The following TIAM2 variants were observed in gnomAD, a reference collection of about 807,000 sequenced individuals.
TIAM2 encodes the protein rho guanine nucleotide exchange factor TIAM2.
Under a neutral mutation model 152.9 loss-of-function variants are expected in TIAM2, and 80 were observed. The ratio of observed to expected loss-of-function variants is 0.52; its 90% confidence interval spans 0.44 to 0.63. The LOEUF is 0.63. Ranked by LOEUF, TIAM2 falls within the 30% of genes least tolerant of loss-of-function variation. TIAM2 has a pLI of 0.00. For synonymous variants in TIAM2, 804 were observed against 838.0 expected (o/e 0.96, Z 0.70); for missense variants, 1,965 against 2,120.1 (o/e 0.93, Z 1.44).
chr6:155,085,905 TTATAGA>T (rs1389568170), intron 1 of TIAM2, among the ~76,000 whole-genome samples: 1 of 152,234 alleles, frequency 6.6e-6, no homozygotes, highest in Admixed American at 6.5e-5. Flanking sequence ...TTGAGTTTTA[TTATAGA>T]TATAGTTTAC....
chr6:155,240,440 CA>C, intron 15 of TIAM2, 89 bp from the exon 16 acceptor site: 7 of 1,395,024 alleles, frequency 5.0e-6, no homozygotes, highest in Non-Finnish European at 6.8e-6. Context: ...CCCTGCTGAG[CA>C]CAGACGGAGA....
At chr6:155,222,322 G>A (rs1177318229) in intron 15 of TIAM2, among the ~76,000 whole-genome samples, 1 of 118 alleles carries the variant, frequency 8.5e-3, no homozygotes, top group Non-Finnish European at 0.019. Context: ...CACATGGGTT[G>A]GGTGGGCGTG....
intron 13 of TIAM2, among the ~76,000 whole-genome samples, chr6:155,182,717 G>A (rs1780937946): frequency 1.3e-5 from 2 of 151,874 alleles, no homozygotes; most frequent in Admixed American, 6.6e-5. Context: ...AGGGAAGGAG[G>A]AAGAGAGTGT....
chr6:155,212,309 G>A (rs1340773828), intron 15 of TIAM2, among the ~76,000 whole-genome samples: 9 of 152,118 alleles, frequency 5.9e-5, no homozygotes, highest in South Asian at 2.1e-4. Context: ...CATTCCCAGC[G>A]GCAATGCAGG....
chr6:155,051,012 A>G (rs1412408506), intron 1 of TIAM2, among the ~76,000 whole-genome samples: 1 of 152,126 alleles, frequency 6.6e-6, no homozygotes. Context: ...TGAGTTAAAT[A>G]ATTAAAGTGT....
chr6:155,062,489 A>G (rs1777605402), intron 1 of TIAM2, among the ~76,000 whole-genome samples: 1 of 140,700 alleles, frequency 7.1e-6, no homozygotes, highest in African/African-American at 2.5e-5. Flanking sequence ...TTTTGGAGTT[A>G]CCAGTTTATT....
At position 155,244,679 on chromosome 6, in the gene TIAM2, T is replaced by C. The variant is rs371973133; in HGVS notation, c.3439T>C (p.Leu1147=). The C allele has an allele frequency of 1.2e-6, 2 of 1,613,948 alleles. No individual in the cohort carries two copies. The highest frequency in any genetic ancestry group is 1.3e-5 in the African/African-American group (1 of 74,930). Residue 1147 remains leucine, a synonymous_variant, in exon 18 of 27, where the codon TTG becomes CTG. Transcript: ENST00000682666. ...ATAGATGGAGTCACTTTTTGGAAGTTTGCCAGAGATGCTTGAGTTTCAGAA... is the reference window on the plus strand; with the variant it reads ...ATAGATGGAGTCACTTTTTGGAAGTCTGCCAGAGATGCTTGAGTTTCAGAA... The part of the protein sequence containing the change: ...QDEMESLFGS[L]PEMLEFQKVF...
chr6:155,180,325 C>T (rs1389655585), intron 12 of TIAM2, among the ~76,000 whole-genome samples: 1 of 152,120 alleles, frequency 6.6e-6, no homozygotes, highest in Non-Finnish European at 1.5e-5. Context: ...AGGGTCAGTA[C>T]TTCTGAAGTC....
chr6:155,245,592 T>C, intron 18 of TIAM2, 31 bp from the exon 19 acceptor site: 1 of 1,564,728 alleles, frequency 6.4e-7, no homozygotes, highest in Non-Finnish European at 8.8e-7. Context: ...TTAAACCATG[T>C]CTGATTTGAC....
At chr6:155,148,886 G>A (rs527440188) in intron 7 of TIAM2, among the ~76,000 whole-genome samples, 26 of 152,276 alleles carry the variant, frequency 1.7e-4, no homozygotes, top group South Asian at 1.7e-3. Context: ...TTTTAGAGAA[G>A]GGAAAACAGT....
Position 155,047,695 on chromosome 6 carries a change from GAGAGAGAGA to G in TIAM2, c.-208-42593_-208-42585del, listed in dbSNP as rs1562300137. Among the ~76,000 whole-genome samples the G allele has an allele frequency of 3.9e-4, 30 of 76,176 alleles. 1 individual carries two copies. Among genetic ancestry groups the G allele is most frequent in the South Asian group, 1.0e-3 (2 of 1,952 alleles). 50.0% of individuals were successfully genotyped at this position (76,176 alleles called of 152,430 possible). ...GAGAGAGAGAGAGAGAGAGGAGAGA[GAGAGAGAGA>G]GCGAGAGAGAGAGAGAGAGAGCGAG... On this transcript the variant is annotated intron_variant, in intron 1 of 26. Coordinates refer to ENST00000682666, the MANE Select transcript of TIAM2 (RefSeq NM_012454.4).
chr6:155,069,650 T>C (rs892039428), intron 1 of TIAM2, among the ~76,000 whole-genome samples: 1 of 152,196 alleles, frequency 6.6e-6, no homozygotes, highest in African/African-American at 2.4e-5. Context: ...ATACAGTAAT[T>C]TTAGTATAGT....
intron 2 of TIAM2, among the ~76,000 whole-genome samples, chr6:155,093,043 A>G (rs1778338605): frequency 6.6e-6 from 1 of 152,130 alleles, no homozygotes; most frequent in Non-Finnish European, 1.5e-5. Context: ...GTGACAATAA[A>G]ACTGTTTGCA....
rs748166636 is a variant in TIAM2, at chr6:155,254,484, G to A, written c.4379G>A (p.Arg1460His). The A allele has an allele frequency of 1.4e-5, 22 of 1,613,996 alleles. No homozygotes were observed. Among genetic ancestry groups the A allele is most frequent in the African/African-American group, 2.7e-5 (2 of 74,914 alleles). ...IRSILRENFR[R>H]HIKCELPLEK... ...TCTATTCTGAGGGAGAACTTCAGGC[G>A]TCACATAAAGTGTGAATTACCACTG... Residue 1460 changes from arginine to histidine, a missense_variant, in exon 26 of 27, where the codon CGT becomes CAT. By Grantham distance (29) the Arg-to-His change is conservative. Around this residue, in one of 3 missense-constraint regions of TIAM2, gnomAD observed 935 missense variants for 980.0 expected, o/e 0.95. Transcript: ENST00000682666.
intron 1 of TIAM2, among the ~76,000 whole-genome samples, chr6:155,063,781 C>CAAAAAAA (rs56808026): frequency 2.2e-5 from 2 of 91,070 alleles, no homozygotes; most frequent in Non-Finnish European, 4.0e-5. Context: ...GACTCTGTCT[C>CAAAAAAA]AAAAAAAAAA....
intron 1 of TIAM2, among the ~76,000 whole-genome samples, chr6:155,000,771 G>T (rs1235151980): frequency 1.3e-5 from 2 of 152,166 alleles, no homozygotes; most frequent in Non-Finnish European, 2.9e-5. Context: ...ATCACTTGAG[G>T]TTGGGAGTTC....
intron 14 of TIAM2, among the ~76,000 whole-genome samples, chr6:155,194,962 C>T (rs1781302397): frequency 6.6e-6 from 1 of 152,160 alleles, no homozygotes; most frequent in South Asian, 2.1e-4. Flanking sequence ...CTTGCTGCCA[C>T]CATGTGAAGA....
At chr6:155,242,629 C>A (rs1562369015) in intron 16 of TIAM2, among the ~76,000 whole-genome samples, 1 of 152,226 alleles carries the variant, frequency 6.6e-6, no homozygotes, top group Non-Finnish European at 1.5e-5. Flanking sequence ...GTTATTATAG[C>A]TGACTTTGCA....
At chr6:155,117,338 G>A (rs1043746480) in intron 2 of TIAM2, among the ~76,000 whole-genome samples, 3 of 151,988 alleles carry the variant, frequency 2.0e-5, no homozygotes, top group African/African-American at 4.8e-5. Context: ...ACATATAGCC[G>A]GGCCACTGAA....
Sources: gnomAD v4.1 joint callset for allele counts (sites outside exome capture counted in the v4.1 genomes callset) on GRCh38, gnomAD v4.1.1 for gene constraint, gnomAD v4.1.1 regional missense constraint, MANE v1.5 for transcripts, NCBI Gene and HGNC (gene_info 2026-07-23, HGNC 2026-07-21) for gene names.